The following PSMG2 variants were observed in gnomAD, a reference collection of about 807,000 sequenced individuals.
PSMG2 encodes CD40 ligand-activated specific transcript 3.
Under a neutral mutation model 31.5 loss-of-function variants are expected in PSMG2, and 21 were observed. The observed-to-expected ratio is 0.67, with a 90% CI of 0.47 to 0.96. The LOEUF (loss-of-function observed/expected upper bound fraction) is 0.96. Ranked by LOEUF, PSMG2 falls within the 40% of genes least tolerant of loss-of-function variation. The pLI is 0.00. For missense variants in PSMG2, 318 were observed against 321.2 expected, an observed-to-expected ratio of 0.99 and a Z score of 0.08; for synonymous variants, 120 against 110.4, an observed-to-expected ratio of 1.09 and a Z score of -0.54.
chr18:12,709,168 C>T (rs1455658878), intron 2 of PSMG2, among the ~76,000 whole-genome samples: 1 of 151,978 alleles, frequency 6.6e-6, no homozygotes, highest in Non-Finnish European at 1.5e-5. Flanking sequence ...GCCTCAGCCT[C>T]CTGAGTAGCT....
chr18:12,680,894 C>T (rs1232847737), intron 1 of PSMG2: 3 of 1,372,586 alleles, frequency 2.2e-6, no homozygotes, highest in Middle Eastern at 1.9e-4. Context: ...TACTTAAATA[C>T]TAAATTATAA....
intron 1 of PSMG2, chr18:12,691,331 T>G (rs773917956): frequency 3.4e-6 from 5 of 1,461,490 alleles, no homozygotes; most frequent in Middle Eastern, 1.8e-4. Context: ...AATACAGGCA[T>G]AAAATTATTC....
At chr18:12,659,770 C>T (rs1303297426) in intron 1 of PSMG2, among the ~76,000 whole-genome samples, 2 of 152,138 alleles carry the variant, frequency 1.3e-5, no homozygotes, top group African/African-American at 4.8e-5. Flanking sequence ...AAAGTAGCAT[C>T]ACTTAATTAT....
intron 5 of PSMG2, among the ~76,000 whole-genome samples, chr18:12,721,134 C>T (rs1439042609): frequency 1.3e-5 from 2 of 152,144 alleles, no homozygotes; most frequent in East Asian, 1.9e-4. Flanking sequence ...GAGCCGAGAT[C>T]GCGCCACTGC....
At chr18:12,669,195 C>G (rs2038878057) in intron 1 of PSMG2, among the ~76,000 whole-genome samples, 1 of 151,434 alleles carries the variant, frequency 6.6e-6, no homozygotes, top group African/African-American at 2.4e-5. Context: ...TCACGGCAAC[C>G]TCCACCTCCC....
At chr18:12,661,957 ATT>A (rs1445463422) in intron 1 of PSMG2, 8 of 258,492 alleles carry the variant, frequency 3.1e-5, no homozygotes, top group Admixed American at 1.5e-4. Context: ...TCTGAATATG[ATT>A]TTGTTTTGTT....
chr18:12,695,869 CA>C (rs2039937890), intron 1 of PSMG2, among the ~76,000 whole-genome samples: 1 of 151,932 alleles, frequency 6.6e-6, no homozygotes, highest in Non-Finnish European at 1.5e-5. Context: ...CACACACACA[CA>C]CACACACACA....
chr18:12,664,211 G>A (rs1057053214), intron 1 of PSMG2, among the ~76,000 whole-genome samples: 1 of 151,940 alleles, frequency 6.6e-6, no homozygotes, highest in Non-Finnish European at 1.5e-5. Flanking sequence ...AATGGGCCGG[G>A]ACTACAGGGA....
At chr18:12,694,147 T>A (rs536308671) in intron 1 of PSMG2, among the ~76,000 whole-genome samples, 1 of 152,128 alleles carries the variant, frequency 6.6e-6, no homozygotes, top group Non-Finnish European at 1.5e-5. Flanking sequence ...CACTATGTGG[T>A]TTCAGGTATA....
chr18:12,674,150 G>T (rs1463689004), intron 1 of PSMG2, among the ~76,000 whole-genome samples: 2 of 151,728 alleles, frequency 1.3e-5, no homozygotes, highest in African/African-American at 4.8e-5. Context: ...ATAACTACCA[G>T]ATTAGGCTGG....
chr18:12,680,064 AAG>A (rs575968139), intron 1 of PSMG2, among the ~76,000 whole-genome samples: 565 of 151,962 alleles, frequency 3.7e-3, no homozygotes, highest in Middle Eastern at 0.01. Context: ...AAAAAAAAAA[AAG>A]AGAAAACTGA....
chr18:12,724,794 C>G, intron 6 of PSMG2, 175 bp downstream of exon 6: 2 of 615,860 alleles, frequency 3.2e-6, no homozygotes, highest in Non-Finnish European at 4.8e-6. Flanking sequence ...GTTAACCAAC[C>G]TATTATTTAC....
At chr18:12,673,590 T>C in intron 1 of PSMG2, 1 of 1,178,790 alleles carries the variant, frequency 8.5e-7, no homozygotes, top group Non-Finnish European at 1.2e-6. Context: ...TTTAAAATAA[T>C]TTTTTCAGGC....
chr18:12,705,365 C>G (rs1403801358), intron 1 of PSMG2, among the ~76,000 whole-genome samples: 1 of 151,970 alleles, frequency 6.6e-6, no homozygotes, highest in East Asian at 1.9e-4. Context: ...TGCCCGGCGC[C>G]CTTTTCTAAA....
rs562846755 is a variant in PSMG2, at chr18:12,724,870, C to T, written c.702+251C>T. 295 of 413,932 alleles carry T rather than the reference C, an allele frequency of 7.1e-4. 1 individual carries two copies. The highest frequency in any genetic ancestry group is 3.7e-3 in the Middle Eastern group (6 of 1,630). 25.6% of individuals were successfully genotyped at this position (413,932 alleles called of 1,614,324 possible). ...TTAGTTCTTCATTGTACTTACTATT[C>T]ATGTTAGATTAATTATGCCAGACAT... On this transcript the variant is annotated intron_variant, in intron 6 of 6. Coordinates refer to ENST00000317615, the MANE Select transcript of PSMG2 (RefSeq NM_020232.5).
At chr18:12,669,023 C>G (rs912971810) in intron 1 of PSMG2, among the ~76,000 whole-genome samples, 74 of 145,504 alleles carry the variant, frequency 5.1e-4, no homozygotes, top group African/African-American at 1.8e-3. Flanking sequence ...AGCTACCGCA[C>G]CCCCCGCACT....
At position 12,721,173 on chromosome 18, in the gene PSMG2, G is replaced by A. The variant is rs566226195; in HGVS notation, c.581+490G>A. On this transcript the variant is annotated intron_variant, in intron 5 of 6. Coordinates refer to ENST00000317615, the MANE Select transcript of PSMG2 (RefSeq NM_020232.5). ...CCAGCCTGGGAGACAGCAAGACTCCGTCTCAAAAAGAAAAAAAGAAAATAT... is the reference window on the plus strand; with the variant it reads ...CCAGCCTGGGAGACAGCAAGACTCCATCTCAAAAAGAAAAAAAGAAAATAT... Among the ~76,000 whole-genome samples, 19 of 152,202 alleles carry A rather than the reference G, an allele frequency of 1.2e-4. 1 individual carries two copies. The South Asian group carries it at 2.9e-3, about 23-fold the overall frequency.
chr18:12,705,576 A>AGT (rs548642491), intron 1 of PSMG2, among the ~76,000 whole-genome samples: 3,600 of 129,724 alleles, frequency 0.028, 59 homozygotes, highest in South Asian at 0.09. Flanking sequence ...AGAGAGAGAG[A>AGT]GTGTGTGTGT....
chr18:12,665,229 T>G (rs1323185824), intron 1 of PSMG2: 1 of 152,182 alleles, frequency 6.6e-6, no homozygotes, highest in Non-Finnish European at 1.5e-5. Context: ...GCTAAAAAGC[T>G]GGTCTTTTAA....
Sources: gnomAD v4.1 joint callset for allele counts (sites outside exome capture counted in the v4.1 genomes callset) on GRCh38, gnomAD v4.1.1 for gene constraint, MANE v1.5 for transcripts, NCBI Gene and HGNC (gene_info 2026-07-23, HGNC 2026-07-21) for gene names.